The following MYOF variants were observed in gnomAD, a reference collection of about 807,000 sequenced individuals.
MYOF encodes the protein myoferlin.
A neutral mutation model predicts 284.2 loss-of-function variants in MYOF; 244 were observed. The ratio of observed to expected loss-of-function variants is 0.86; its 90% CI spans 0.77 to 0.95. The LOEUF (loss-of-function observed/expected upper bound fraction) is 0.95. Ranked by LOEUF, MYOF falls within the 40% of genes least tolerant of loss-of-function variation. MYOF has a pLI of 0.00. For missense variants in MYOF, 2,496 were observed against 2,560.6 expected, an observed-to-expected ratio of 0.97 and a Z score of 0.54; for synonymous variants, 904 against 919.7, an observed-to-expected ratio of 0.98 and a Z score of 0.31.
At chr10:93,428,293 C>T (rs1368962553) in intron 4 of MYOF, among the ~76,000 whole-genome samples, 1 of 151,388 alleles carries the variant, frequency 6.6e-6, no homozygotes, top group African/African-American at 2.4e-5. Context: ...GCCTCACACC[C>T]GGGTTCCAGT....
chr10:93,435,316 G>A (rs977012246), intron 3 of MYOF, among the ~76,000 whole-genome samples: 8 of 152,202 alleles, frequency 5.3e-5, no homozygotes, highest in South Asian at 2.1e-4. Context: ...TTGGACCAGC[G>A]TGTCTCGACC....
rs529270254 is a variant in MYOF at position 93,379,662 on chromosome 10, G to C, written c.2001+201C>G. 2.0e-5 allele frequency among the ~76,000 whole-genome samples: 3 copies of C among 152,230 alleles called. No individual in the cohort carries two copies. The East Asian group carries it at 5.8e-4, about 29-fold the overall frequency. On this transcript the variant is annotated intron_variant, in intron 21 of 53. Transcript: ENST00000359263. ...TCCTGAGTGATGGCAGAGCAACCGG[G>C]GGTAAGAGCCTGGGTCTCCAATACC...
At chr10:93,376,856 A>G (rs61866237) in intron 22 of MYOF, among the ~76,000 whole-genome samples, 10,479 of 152,248 alleles carry the variant, frequency 0.069, 501 homozygotes, top group African/African-American at 0.14. Context: ...TCAGGCATTC[A>G]GTAAAAGAGC....
chr10:93,476,120 T>C (rs2057254606), intron 1 of MYOF, among the ~76,000 whole-genome samples: 1 of 152,094 alleles, frequency 6.6e-6, no homozygotes, highest in Non-Finnish European at 1.5e-5. Context: ...CTGATAGGGA[T>C]CTTCTTGATG....
At chr10:93,308,584 C>CAAAAA (rs35344958) in intron 53 of MYOF, among the ~76,000 whole-genome samples, 16 of 94,588 alleles carry the variant, frequency 1.7e-4, no homozygotes, top group African/African-American at 3.6e-4. Context: ...GACTCTGTCT[C>CAAAAA]AAAAAAAAAA....
intron 24 of MYOF, among the ~76,000 whole-genome samples, chr10:93,370,774 G>C (rs1845550785): frequency 6.6e-6 from 1 of 152,132 alleles, no homozygotes; most frequent in Admixed American, 6.6e-5. Context: ...GTTGTAAGTT[G>C]AACTAGATTT....
intron 39 of MYOF, among the ~76,000 whole-genome samples, 170 bp downstream of exon 39, chr10:93,339,983 G>A (rs1411975558): frequency 6.6e-6 from 1 of 152,168 alleles, no homozygotes; most frequent in African/African-American, 2.4e-5. Context: ...GGAGGCTGAG[G>A]CAGGAGAATG....
At position 93,313,031 on chromosome 10, in the gene MYOF, G is replaced by A. The variant is rs374294319; in HGVS notation, c.5878C>T (p.Arg1960Cys). ...GGAAATGTTCATACAGCCATTACGC[G>A]GGCGCCATCTTTCTCTGCGTAGCAT... ...WPCYAEKDGA[R>C]VMAGKVEMTL... Residue 1960 changes from arginine to cysteine, a missense_variant, in exon 51 of 54, where the codon CGC (arginine) becomes TGC (cysteine). Physicochemically the swap from Arg to Cys is radical, Grantham distance 180 (BLOSUM62 -3). This residue lies in a region of MYOF where 2,436 missense variants were observed against 2,480.7 expected (regional missense o/e 0.98). Coordinates refer to ENST00000359263, the MANE Select transcript of MYOF (RefSeq NM_013451.4). 1.2e-4 allele frequency: 197 copies of A among 1,609,268 alleles called. No homozygotes were observed. Among genetic ancestry groups the A allele is most frequent in the South Asian group, 1.2e-3 (108 of 89,904 alleles).
At chr10:93,436,887 G>C (rs112807836) in intron 3 of MYOF, among the ~76,000 whole-genome samples, 254 of 152,242 alleles carry the variant, frequency 1.7e-3, no homozygotes, top group Non-Finnish European at 2.2e-3. Context: ...GACAGTGAGG[G>C]GGAAGCCTTG....
chr10:93,369,493 C>T, intron 25 of MYOF, 152 bp downstream of exon 25: 4 of 1,054,586 alleles, frequency 3.8e-6, no homozygotes, highest in African/African-American at 1.6e-5. Flanking sequence ...CTTCTCTTAT[C>T]CCTTAGGTTA....
intron 48 of MYOF, among the ~76,000 whole-genome samples, chr10:93,321,427 T>G (rs1842836650): frequency 6.6e-6 from 1 of 150,906 alleles, no homozygotes; most frequent in African/African-American, 2.4e-5. Flanking sequence ...TTTTTTTTTT[T>G]TTTTTTTTAC....
At chr10:93,311,039 C>T (rs1842360544) in intron 51 of MYOF, among the ~76,000 whole-genome samples, 1 of 152,142 alleles carries the variant, frequency 6.6e-6, no homozygotes, top group South Asian at 2.1e-4. Context: ...AGAACAGAGC[C>T]ATATCTCTTC....
intron 25 of MYOF, among the ~76,000 whole-genome samples, chr10:93,368,905 G>A (rs2797554): frequency 0.79 from 120,290 of 152,018 alleles, 47,805 homozygotes; most frequent in East Asian, 0.98. Context: ...GAGACCCACC[G>A]AATACATCTG....
intron 33 of MYOF, 29 bp from the exon 34 acceptor site, chr10:93,351,600 C>T (rs937374844): frequency 1.9e-6 from 3 of 1,611,564 alleles, no homozygotes; most frequent in Non-Finnish European, 2.5e-6. Context: ...CCTTAAATTC[C>T]CCGACAATCA....
chr10:93,379,597 T>G (rs1755534493), intron 21 of MYOF, among the ~76,000 whole-genome samples: 1 of 152,164 alleles, frequency 6.6e-6, no homozygotes, highest in African/African-American at 2.4e-5. Context: ...GGAGGGCAGA[T>G]GTAGTAGTGA....
At chr10:93,395,903 C>T (rs1038592919) in intron 16 of MYOF, among the ~76,000 whole-genome samples, 6 of 149,494 alleles carry the variant, frequency 4.0e-5, no homozygotes, top group African/African-American at 1.5e-4. Context: ...TCATTTTTTT[C>T]TAAAAGTTTA....
At chr10:93,326,112 A>T (rs1378142684) in intron 45 of MYOF, 147 bp from the exon 46 acceptor site, 2 of 1,079,480 alleles carry the variant, frequency 1.9e-6, no homozygotes, top group Non-Finnish European at 2.7e-6. Flanking sequence ...GTGAAGGAAG[A>T]GTTGACAGAA....
rs779282605 is a variant in MYOF at position 93,359,978 on chromosome 10, C to G, written c.2975G>C (p.Gly992Ala). 6.2e-7 allele frequency: 1 copy of G among 1,614,162 alleles called. No homozygotes were observed. The highest frequency in any genetic ancestry group is 8.5e-7 in the Non-Finnish European group (1 of 1,180,018). ...AGGAATGGTGATTCCATATTCCCAG[C>G]CTGGAACAGAGTTTGTGAATGGTTA... The part of the protein sequence containing the change: ...YDINRAVDEK[G>A]WEYGITIPPD... Residue 992 changes from glycine to alanine, a missense_variant and splice_region_variant, in exon 29 of 54, where the codon GGC (glycine) becomes GCC (alanine). Around this residue, in one of 3 missense-constraint regions of MYOF, gnomAD observed 2,436 missense variants for 2,480.7 expected, o/e 0.98. Coordinates refer to ENST00000359263, the MANE Select transcript of MYOF (RefSeq NM_013451.4).
At chr10:93,437,944 C>T (rs965337475) in intron 3 of MYOF, among the ~76,000 whole-genome samples, 1 of 152,202 alleles carries the variant, frequency 6.6e-6, no homozygotes, top group Non-Finnish European at 1.5e-5. Context: ...CTTGGCCAAA[C>T]TTGAGTGGAG....
Sources: gnomAD v4.1 joint callset for allele counts (sites outside exome capture counted in the v4.1 genomes callset) on GRCh38, gnomAD v4.1.1 for gene constraint, gnomAD v4.1.1 regional missense constraint, MANE v1.5 for transcripts, NCBI Gene and HGNC (gene_info 2026-07-23, HGNC 2026-07-21) for gene names.